Variants in CACNA2D3 observed in about 807,000 individuals in gnomAD.
The protein encoded by CACNA2D3 is voltage-dependent calcium channel subunit alpha-2/delta-3.
CACNA2D3 carries 60 observed loss-of-function variants against 160.6 expected under a neutral mutation model. The ratio of observed to expected loss-of-function variants is 0.37; its 90% CI spans 0.30 to 0.46. CACNA2D3 has a LOEUF of 0.46. Among genes scored for constraint, CACNA2D3 ranks in the 20% least tolerant of loss-of-function variants. The probability of loss-of-function intolerance (pLI) is 1.00; values close to 1 mark genes in which losing one functional copy is unlikely to be tolerated. For synonymous variants in CACNA2D3, 558 were observed against 492.9 expected (o/e 1.13, Z -1.75); for missense variants, 1,205 against 1,365.0 (o/e 0.88, Z 1.85).
At chr3:54,662,696 A>C (rs1469138164) in intron 11 of CACNA2D3, among the ~76,000 whole-genome samples, 1 of 152,162 alleles carries the variant, frequency 6.6e-6, no homozygotes, top group African/African-American at 2.4e-5. Flanking sequence ...TCTCTCCTGG[A>C]TTCCAGGGCT....
intron 5 of CACNA2D3, among the ~76,000 whole-genome samples, chr3:54,532,953 A>G (rs1405573597): frequency 1.3e-5 from 2 of 152,160 alleles, no homozygotes; most frequent in East Asian, 3.9e-4. Context: ...CATCTTCACC[A>G]GCATCTGTTA....
At chr3:54,565,256 T>C (rs370157048) in intron 6 of CACNA2D3, among the ~76,000 whole-genome samples, 7 of 152,154 alleles carry the variant, frequency 4.6e-5, no homozygotes, top group Non-Finnish European at 8.8e-5. Context: ...CATGGGGAGA[T>C]AGACAGGCAA....
In CACNA2D3 at chr3:54,764,265, A is replaced by G; in HGVS notation, c.1294A>G (p.Met432Val). ...STLADVQENV[M>V]EYLHVLSRPK... ...CTTGGCTGATGTGCAGGAGAATGTC[A>G]TGGAATACCTTCACGTGCTTAGCCG... The change falls in exon 13 of 38, where the codon ATG becomes GTG. Residue 432 changes from methionine (M) to valine (V), a missense_variant. By Grantham distance (21) the Met-to-Val change is conservative. Transcript: ENST00000474759. The G allele has an allele frequency of 6.2e-7, 1 of 1,613,854 alleles. No individual in the cohort carries two copies. The highest frequency in any genetic ancestry group is 1.1e-5 in the South Asian group (1 of 91,084).
At chr3:54,915,857 C>A (rs934023496) in intron 27 of CACNA2D3, among the ~76,000 whole-genome samples, 9 of 152,146 alleles carry the variant, frequency 5.9e-5, no homozygotes, top group African/African-American at 1.9e-4. Context: ...AATCATTTTC[C>A]TTAAAGACTG....
chr3:54,733,742 C>G lies in CACNA2D3; in HGVS notation c.1168-18857C>G, dbSNP rs1041156521. On this transcript the variant is annotated intron_variant, in intron 11 of 37. Transcript: ENST00000474759. The stretch of plus-strand genomic sequence containing the variant: ...AGGGAAGTTAAATTTAATTTTTAAT[C>G]AAAGATAAACTTAAAGGCAGTATAA... Among the ~76,000 whole-genome samples the G allele has an allele frequency of 2.0e-5, 3 of 152,106 alleles. No individual in the cohort carries two copies. The South Asian group carries it at 6.2e-4, about 32-fold the overall frequency.
chr3:54,788,552 G>A (rs1702685019), intron 13 of CACNA2D3, among the ~76,000 whole-genome samples: 1 of 152,198 alleles, frequency 6.6e-6, no homozygotes, highest in Non-Finnish European at 1.5e-5. Context: ...GGGATACTGA[G>A]GAACTGACCT....
chr3:54,439,903 T>G (rs1700117221), intron 4 of CACNA2D3, among the ~76,000 whole-genome samples: 1 of 152,156 alleles, frequency 6.6e-6, no homozygotes, highest in African/African-American at 2.4e-5. Flanking sequence ...GACATTTATA[T>G]TGTGTCACCA....
chr3:55,073,499 C>T lies in CACNA2D3; in HGVS notation c.3042C>T (p.Asp1014=), dbSNP rs1248916017. ...GCAACCTGTTCATGGTGGTGGTGGA[C>T]AGCAGCTGCCTCTGTGAATCTGTGG... ...PSSNLFMVVV[D]SSCLCESVAP... is the part of the protein sequence containing the mutation. Residue 1014 remains aspartate, a synonymous_variant, in exon 36 of 38, where the codon GAC becomes GAT. Coordinates refer to ENST00000474759, the MANE Select transcript of CACNA2D3 (RefSeq NM_018398.3). 5 of 1,613,786 alleles carry T rather than the reference C, an allele frequency of 3.1e-6. No individual in the cohort carries two copies. Among genetic ancestry groups the T allele is most frequent in the Non-Finnish European group, 4.2e-6 (5 of 1,179,884 alleles).
chr3:54,444,752 AC>A (rs1244617326), intron 4 of CACNA2D3, among the ~76,000 whole-genome samples: 1 of 152,196 alleles, frequency 6.6e-6, no homozygotes, highest in African/African-American at 2.4e-5. Flanking sequence ...AGAGCTGTCT[AC>A]TTCTGAATAA....
intron 9 of CACNA2D3, among the ~76,000 whole-genome samples, chr3:54,598,343 A>AAAAAAAG (rs1404045498): frequency 6.6e-6 from 1 of 150,908 alleles, no homozygotes; most frequent in African/African-American, 2.4e-5. Context: ...GAAGAAAGGA[A>AAAAAAAG]AAAAAAGAAA....
chr3:55,044,567 C>T (rs1704033787), intron 35 of CACNA2D3, among the ~76,000 whole-genome samples: 1 of 151,892 alleles, frequency 6.6e-6, no homozygotes, highest in African/African-American at 2.4e-5. Context: ...TCTTCCTTTC[C>T]AATCTGTATG....
At chr3:54,942,084 T>C (rs1193773358) in intron 27 of CACNA2D3, among the ~76,000 whole-genome samples, 1 of 152,254 alleles carries the variant, frequency 6.6e-6, no homozygotes, top group Non-Finnish European at 1.5e-5. Context: ...AAATAGGGTT[T>C]ACCAAGGAAG....
chr3:54,600,859 C>T (rs1020219046), intron 9 of CACNA2D3, among the ~76,000 whole-genome samples: 3 of 151,692 alleles, frequency 2.0e-5, no homozygotes, highest in African/African-American at 7.3e-5. Context: ...CTGGAGCCAT[C>T]CCTGTCATGA....
chr3:54,988,030 T>C (rs1393144988), intron 31 of CACNA2D3, among the ~76,000 whole-genome samples: 1 of 152,112 alleles, frequency 6.6e-6, no homozygotes, highest in Non-Finnish European at 1.5e-5. Flanking sequence ...GATGTGATTA[T>C]GTCAGTCTGA....
At chr3:54,555,005 G>A (rs545728217) in intron 5 of CACNA2D3, among the ~76,000 whole-genome samples, 1 of 150,642 alleles carries the variant, frequency 6.6e-6, no homozygotes, top group Admixed American at 6.7e-5. Context: ...TTCTTGAGTA[G>A]CTGGGATTAC....
chr3:54,593,171 C>A (rs75493860), intron 9 of CACNA2D3, among the ~76,000 whole-genome samples: 1,839 of 152,142 alleles, frequency 0.012, 20 homozygotes, highest in Non-Finnish European at 0.016. Flanking sequence ...TTAAAAATAA[C>A]TTACATAGAG....
intron 9 of CACNA2D3, among the ~76,000 whole-genome samples, chr3:54,596,665 A>T (rs1462860720): frequency 6.6e-6 from 1 of 151,960 alleles, no homozygotes; most frequent in African/African-American, 2.4e-5. Context: ...GGTCTCCACC[A>T]GCTTTCTCTC....
chr3:54,141,826 T>C (rs1699941555), intron 2 of CACNA2D3, among the ~76,000 whole-genome samples: 1 of 152,210 alleles, frequency 6.6e-6, no homozygotes. Context: ...TATCCATTCA[T>C]TTATTCATTC....
chr3:54,580,723 G>A (rs1352637748), intron 8 of CACNA2D3, among the ~76,000 whole-genome samples: 2 of 152,166 alleles, frequency 1.3e-5, no homozygotes, highest in African/African-American at 4.8e-5. Flanking sequence ...TGGGGAATCC[G>A]GCCAACAGAT....
Sources: gnomAD v4.1 joint callset for allele counts (sites outside exome capture counted in the v4.1 genomes callset) on GRCh38, gnomAD v4.1.1 for gene constraint, MANE v1.5 for transcripts, NCBI Gene and HGNC (gene_info 2026-07-23, HGNC 2026-07-21) for gene names.